The following CTNNA2 variants were observed in gnomAD, a reference collection of about 807,000 sequenced individuals.
CTNNA2 encodes catenin alpha-2.
Under a neutral mutation model 101.0 loss-of-function variants are expected in CTNNA2, and 42 were observed. The observed-to-expected ratio is 0.42, with a 90% confidence interval of 0.32 to 0.54. The LOEUF (loss-of-function observed/expected upper bound fraction) is 0.54, where lower values mean the gene tolerates loss of function less well. Ranked by LOEUF, CTNNA2 falls within the 20% of genes least tolerant of loss-of-function variation. The pLI, the probability that CTNNA2 is intolerant of heterozygous loss-of-function variation, is 0.14. For synonymous variants in CTNNA2, 450 were observed against 456.4 expected, an observed-to-expected ratio of 0.99 and a Z score of 0.18; for missense variants, 871 against 1,223.1, an observed-to-expected ratio of 0.71 and a Z score of 4.29.
chr2:79,906,161 A>G (rs1409348028), intron 6 of CTNNA2, among the ~76,000 whole-genome samples: 1 of 151,980 alleles, frequency 6.6e-6, no homozygotes, highest in African/African-American at 2.4e-5. Flanking sequence ...CATCCACTCC[A>G]CCCATGCATA....
chr2:80,506,249 C>T (rs1688268769), intron 9 of CTNNA2, among the ~76,000 whole-genome samples: 1 of 152,118 alleles, frequency 6.6e-6, no homozygotes. Flanking sequence ...AGGAGGCTTC[C>T]TGGAGGAGGC....
rs1683798728 is a variant in CTNNA2 at position 79,684,503 on chromosome 2, TTC to T, written c.102+32846_102+32847del. On this transcript the variant is annotated intron_variant, in intron 2 of 18. Coordinates refer to ENST00000402739, the MANE Select transcript of CTNNA2 (RefSeq NM_001282597.3). ...TCTACTGGATTGTGTTTAAACTATT[TTC>T]AGACATAATGTATGTAAAGTGCTTA... Among the ~76,000 whole-genome samples, 5 of 152,312 alleles carry T rather than the reference TTC, an allele frequency of 3.3e-5. No homozygotes were observed. The South Asian group carries it at 1.0e-3, about 32-fold the overall frequency.
intron 7 of CTNNA2, among the ~76,000 whole-genome samples, chr2:80,014,562 A>G (rs1347859305): frequency 6.6e-6 from 1 of 152,206 alleles, no homozygotes; most frequent in Non-Finnish European, 1.5e-5. Flanking sequence ...GCTGTAAGTC[A>G]CCTTAAAAGA....
At chr2:79,434,999 G>C (rs1014488189) in intron 4 of CTNNA2, among the ~76,000 whole-genome samples, 2 of 152,174 alleles carry the variant, frequency 1.3e-5, no homozygotes, top group South Asian at 4.2e-4. Context: ...CATCCCTACT[G>C]CCCTCAATGA....
intron 7 of CTNNA2, chr2:80,304,496 C>A: frequency 6.5e-6 from 1 of 153,314 alleles, no homozygotes; most frequent in South Asian, 1.9e-4. Flanking sequence ...ATCTGACAGT[C>A]TGGTTAATGT....
chr2:80,232,844 C>T (rs540325631), intron 7 of CTNNA2, among the ~76,000 whole-genome samples: 3 of 152,224 alleles, frequency 2.0e-5, no homozygotes, highest in East Asian at 1.9e-4. Flanking sequence ...AAAAAGGGGT[C>T]GTGTTCATCT....
Position 79,951,059 on chromosome 2 carries a change from G to A in CTNNA2, c.1056+41262G>A, listed in dbSNP as rs115466141. On this transcript the variant is annotated intron_variant, in intron 7 of 18. Coordinates refer to ENST00000402739, the MANE Select transcript of CTNNA2 (RefSeq NM_001282597.3). Reference sequence around the variant, plus strand: ...ATCATTATCCTCTGTTGGCTACTTCGTAAAATCCAAATCATCAGAGAATTT... The same window carrying A: ...ATCATTATCCTCTGTTGGCTACTTCATAAAATCCAAATCATCAGAGAATTT... Among the ~76,000 whole-genome samples, 672 of 152,174 alleles carry A rather than the reference G, an allele frequency of 4.4e-3. 6 individuals carry two copies. Among genetic ancestry groups the A allele is most frequent in the African/African-American group, 0.015 (633 of 41,520 alleles).
intron 7 of CTNNA2, among the ~76,000 whole-genome samples, chr2:80,108,780 A>G (rs1701037118): frequency 1.3e-5 from 2 of 152,320 alleles, no homozygotes; most frequent in East Asian, 3.9e-4. Flanking sequence ...GACCTCTTCA[A>G]ACCCTACACT....
chr2:79,443,455 A>G (rs1032238643), intron 4 of CTNNA2, among the ~76,000 whole-genome samples: 1 of 152,088 alleles, frequency 6.6e-6, no homozygotes, highest in African/African-American at 2.4e-5. Context: ...CACATTGGTG[A>G]GAGTGATTTT....
Position 80,619,238 on chromosome 2 carries a change from T to C in CTNNA2, c.2574+10T>C. 1 of 1,533,328 alleles carries C rather than the reference T, an allele frequency of 6.5e-7. No homozygotes were observed. Among genetic ancestry groups the C allele is most frequent in the South Asian group, 1.3e-5 (1 of 78,606 alleles). 95.0% of individuals were successfully genotyped at this position (1,533,328 alleles called of 1,614,324 possible). On this transcript the variant is annotated intron_variant, in intron 18 of 18. Coordinates refer to ENST00000402739, the MANE Select transcript of CTNNA2 (RefSeq NM_001282597.3). Reference sequence around the variant, plus strand: ...CAGTGATTCCTCCATGGTGAGTAAATTGACTTTCTAATCTAATGTCTTTCA... The same window carrying C: ...CAGTGATTCCTCCATGGTGAGTAAACTGACTTTCTAATCTAATGTCTTTCA...
intron 7 of CTNNA2, among the ~76,000 whole-genome samples, chr2:80,290,476 C>G (rs2149177626): frequency 6.6e-6 from 1 of 152,094 alleles, no homozygotes; most frequent in South Asian, 2.1e-4. Context: ...GTTGGTGAGG[C>G]TCCCGTGATG....
intron 2 of CTNNA2, among the ~76,000 whole-genome samples, chr2:79,267,285 C>T (rs1453477269): frequency 6.6e-6 from 1 of 152,110 alleles, no homozygotes; most frequent in African/African-American, 2.4e-5. Context: ...TTACTTCTTG[C>T]AGTTCTCTAG....
chr2:79,438,659 C>T (rs887707661), intron 4 of CTNNA2, among the ~76,000 whole-genome samples: 2 of 152,142 alleles, frequency 1.3e-5, no homozygotes, highest in Admixed American at 1.3e-4. Context: ...AAGTCACTCC[C>T]AGTTGACAGC....
chr2:79,809,690 T>C (rs1676855112), intron 3 of CTNNA2, among the ~76,000 whole-genome samples: 1 of 152,188 alleles, frequency 6.6e-6, no homozygotes, highest in Non-Finnish European at 1.5e-5. Context: ...TATTAGCCCT[T>C]TGTCAGATAG....
intron 2 of CTNNA2, among the ~76,000 whole-genome samples, chr2:79,703,602 A>G (rs1479098008): frequency 6.6e-6 from 1 of 152,236 alleles, no homozygotes; most frequent in Non-Finnish European, 1.5e-5. Context: ...CCAGTTAGGT[A>G]CATCTGTCAA....
At chr2:80,109,558 A>G (rs1408054294) in intron 7 of CTNNA2, among the ~76,000 whole-genome samples, 1 of 152,190 alleles carries the variant, frequency 6.6e-6, no homozygotes, top group Non-Finnish European at 1.5e-5. Context: ...CCAGCACTAC[A>G]TTGTCACTGG....
intron 2 of CTNNA2, among the ~76,000 whole-genome samples, chr2:79,249,577 C>T (rs547189988): frequency 2.0e-5 from 3 of 152,270 alleles, no homozygotes; most frequent in South Asian, 2.1e-4. Flanking sequence ...AATCCTTAGC[C>T]GTTAGGTCCA....
intron 7 of CTNNA2, among the ~76,000 whole-genome samples, chr2:80,381,412 C>T (rs961002742): frequency 2.0e-5 from 3 of 152,132 alleles, no homozygotes; most frequent in Non-Finnish European, 2.9e-5. Flanking sequence ...CTAGTTCCCT[C>T]ATAATGTTAA....
At chr2:80,132,043 C>T (rs1479426413) in intron 7 of CTNNA2, among the ~76,000 whole-genome samples, 1 of 152,016 alleles carries the variant, frequency 6.6e-6, no homozygotes, top group Non-Finnish European at 1.5e-5. Flanking sequence ...ATCTTGCCAT[C>T]GTACTCCAGC....
Sources: gnomAD v4.1 joint callset for allele counts (sites outside exome capture counted in the v4.1 genomes callset) on GRCh38, gnomAD v4.1.1 for gene constraint, MANE v1.5 for transcripts, NCBI Gene and HGNC (gene_info 2026-07-23, HGNC 2026-07-21) for gene names.